ALG9: variants seen among roughly 807,000 people sequenced by gnomAD.
ALG9 encodes the protein alpha-1,2-mannosyltransferase ALG9.
In ALG9, 55 loss-of-function variants were observed where a neutral mutation model predicts 81.8. The observed-to-expected ratio is 0.67, with a 90% CI of 0.54 to 0.84. ALG9 has a LOEUF of 0.84. Among genes scored for constraint, ALG9 ranks in the 40% least tolerant of loss-of-function variants. The pLI, the probability that ALG9 is intolerant of heterozygous loss-of-function variation, is 0.00. For synonymous variants in ALG9, 278 were observed against 274.3 expected, an observed-to-expected ratio of 1.01 and a Z score of -0.13; for missense variants, 629 against 745.0, an observed-to-expected ratio of 0.84 and a Z score of 1.81.
chr11:111,782,045 C>G (rs782534772), downstream of ALG9: 1 of 152,172 alleles, frequency 6.6e-6, no homozygotes, highest in African/African-American at 2.4e-5. Flanking sequence ...TCAGAATAAA[C>G]ATTCTGGGAT....
intron 13 of ALG9, among the ~76,000 whole-genome samples, chr11:111,822,529 T>C (rs575284999): frequency 1.4e-5 from 2 of 147,434 alleles, no homozygotes; most frequent in South Asian, 2.1e-4. Flanking sequence ...CTGGGCAAAA[T>C]AGTGAGACCT....
intron 13 of ALG9, among the ~76,000 whole-genome samples, chr11:111,834,112 A>T (rs955562668): frequency 6.6e-6 from 1 of 152,254 alleles, no homozygotes; most frequent in Admixed American, 6.5e-5. Context: ...GTGGAAAGAT[A>T]TGATATCAGA....
intron 12 of ALG9, 39 bp from the exon 13 acceptor site, chr11:111,836,333 G>C: frequency 6.2e-7 from 1 of 1,611,866 alleles, no homozygotes; most frequent in Non-Finnish European, 8.5e-7. Flanking sequence ...AACACAGGGG[G>C]ATAATATTGC....
chr11:111,857,566 C>G (rs1555144205), intron 6 of ALG9, 36 bp downstream of exon 6: 1 of 1,613,728 alleles, frequency 6.2e-7, no homozygotes, highest in South Asian at 1.1e-5. Context: ...ACTATATGCC[C>G]AGCGATATAT....
At chr11:111,823,432 C>A (rs1416275919) in intron 13 of ALG9, among the ~76,000 whole-genome samples, 1 of 152,174 alleles carries the variant, frequency 6.6e-6, no homozygotes, top group Non-Finnish European at 1.5e-5. Context: ...TTTTACACTG[C>A]CAAGTCTTGA....
chr11:111,865,128 T>C (rs1961904569), intron 4 of ALG9, 53 bp downstream of exon 4: 10 of 1,331,282 alleles, frequency 7.5e-6, no homozygotes, highest in South Asian at 1.4e-5. Context: ...AGATAATCTA[T>C]GCAATAATGG....
downstream of ALG9, among the ~76,000 whole-genome samples, chr11:111,778,736 T>C (rs1945763673): frequency 6.6e-6 from 1 of 151,844 alleles, no homozygotes; most frequent in Non-Finnish European, 1.5e-5. Context: ...AAAAACATAA[T>C]GGATGCCTGG....
intron 8 of ALG9, among the ~76,000 whole-genome samples, chr11:111,847,334 G>T (rs1396540338): frequency 6.6e-6 from 1 of 152,216 alleles, no homozygotes; most frequent in Non-Finnish European, 1.5e-5. Flanking sequence ...GGCATTTGCG[G>T]GTATCGTCTG....
chr11:111,864,227 C>T (rs1031635872), intron 4 of ALG9: 8 of 778,350 alleles, frequency 1.0e-5, no homozygotes, highest in South Asian at 2.8e-5. Context: ...CACCAACCCA[C>T]GAACTGGCCC....
chr11:111,795,583 A>G (rs1432509594), intron 14 of ALG9, among the ~76,000 whole-genome samples: 1 of 152,250 alleles, frequency 6.6e-6, no homozygotes, highest in African/African-American at 2.4e-5. Flanking sequence ...AGGCATGTTC[A>G]ATAGACCCTT....
At chr11:111,829,923 CAT>C (rs1555112197) in intron 13 of ALG9, among the ~76,000 whole-genome samples, 2 of 152,114 alleles carry the variant, frequency 1.3e-5, no homozygotes, top group South Asian at 2.1e-4. Context: ...GCTCAGGACA[CAT>C]GTCTCAAGAT....
At chr11:111,864,417 G>A (rs1467128021) in intron 4 of ALG9, 2 of 764,158 alleles carry the variant, frequency 2.6e-6, no homozygotes, top group Non-Finnish European at 4.9e-6. Flanking sequence ...GTATCTTCAA[G>A]TACAAATCCC....
chr11:111,851,781 A>C (rs1957869752), intron 8 of ALG9, among the ~76,000 whole-genome samples: 1 of 152,242 alleles, frequency 6.6e-6, no homozygotes, highest in Admixed American at 6.5e-5. Context: ...AAACTAAAAC[A>C]AGAGGCAATC....
the ALG9 span, among the ~76,000 whole-genome samples, chr11:111,772,538 G>A: frequency 6.6e-6 from 1 of 152,234 alleles, no homozygotes; most frequent in Non-Finnish European, 1.5e-5. Flanking sequence ...ATTACTAGCT[G>A]TGTGACTTTG....
At chr11:111,860,960 A>C (rs1959867387) in intron 4 of ALG9, among the ~76,000 whole-genome samples, 1 of 152,242 alleles carries the variant, frequency 6.6e-6, no homozygotes, top group Non-Finnish European at 1.5e-5. Flanking sequence ...TCTGCCACTT[A>C]CTAGCAGTGG....
chr11:111,858,171 G>A (rs535903412), intron 5 of ALG9, among the ~76,000 whole-genome samples: 77 of 152,150 alleles, frequency 5.1e-4, no homozygotes, highest in African/African-American at 1.8e-3. Context: ...TCTTGACCTC[G>A]TGATCTGCCT....
At chr11:111,808,353 C>T (rs782694678) in intron 14 of ALG9, among the ~76,000 whole-genome samples, 6 of 152,204 alleles carry the variant, frequency 3.9e-5, no homozygotes, top group Non-Finnish European at 8.8e-5. Context: ...GCCTGGGCAC[C>T]TGCAGCTCAC....
chr11:111,853,195 G>A (rs1186107111), intron 8 of ALG9, among the ~76,000 whole-genome samples, 185 bp downstream of exon 8: 1 of 152,022 alleles, frequency 6.6e-6, no homozygotes, highest in Non-Finnish European at 1.5e-5. Context: ...CATTAATCAA[G>A]GAGAAATATT....
intron 9 of ALG9, among the ~76,000 whole-genome samples, chr11:111,844,357 T>C (rs1344762891): frequency 6.6e-6 from 1 of 152,228 alleles, no homozygotes; most frequent in African/African-American, 2.4e-5. Context: ...GTGTAAATTA[T>C]ATTGACTTCC....
Sources: allele counts gnomAD v4.1 joint callset (sites outside exome capture counted in the v4.1 genomes callset), GRCh38; gene constraint gnomAD v4.1.1; transcripts MANE v1.5; gene names NCBI Gene and HGNC (gene_info 2026-07-23, HGNC 2026-07-21).